The following CDH4 variants were observed in gnomAD, a reference collection of about 807,000 sequenced individuals.
The protein encoded by CDH4 is cadherin 4, also known as cadherin-4.
A neutral mutation model predicts 86.0 loss-of-function variants in CDH4; 33 were observed. That is an observed-to-expected ratio of 0.38 (90% CI 0.29 to 0.51). The LOEUF (loss-of-function observed/expected upper bound fraction) is 0.51, where lower values mean the gene tolerates loss of function less well. CDH4 is among the 20% of genes least tolerant of loss of function. The pLI, the probability that CDH4 is intolerant of heterozygous loss-of-function variation, is 0.86. For synonymous variants in CDH4, 555 were observed against 549.4 expected, an observed-to-expected ratio of 1.01 and a Z score of -0.14; for missense variants, 1,114 against 1,307.4, an observed-to-expected ratio of 0.85 and a Z score of 2.28.
Position 61,758,643 on chromosome 20 carries a change from A to G in CDH4, c.397-14360A>G, listed in dbSNP as rs1023240253. Among the ~76,000 whole-genome samples the G allele has an allele frequency of 2.6e-5, 4 of 152,178 alleles. No individual in the cohort carries two copies. In the South Asian group the frequency reaches 8.3e-4, roughly 31 times the overall value. ...CCTGAGGGCATGACCTCAGGACTGCACGTGGCACCGCGTCCCATGTACAGT... is the reference window on the plus strand; with the variant it reads ...CCTGAGGGCATGACCTCAGGACTGCGCGTGGCACCGCGTCCCATGTACAGT... On this transcript the variant is annotated intron_variant, in intron 3 of 15. Transcript: ENST00000614565.
chr20:61,836,610 A>G (rs12626030), intron 4 of CDH4, among the ~76,000 whole-genome samples: 62,919 of 152,202 alleles, frequency 0.41, 15,984 homozygotes, highest in Non-Finnish European at 0.58. Context: ...CGGAAAATGC[A>G]AGAAATACAA....
chr20:61,833,248 G>A (rs1312269489), intron 4 of CDH4, among the ~76,000 whole-genome samples: 1 of 152,108 alleles, frequency 6.6e-6, no homozygotes. Flanking sequence ...AGACCTAAAA[G>A]TGCCATCATG....
chr20:61,288,544 TC>T (rs2084305118), intron 2 of CDH4, among the ~76,000 whole-genome samples: 2 of 152,204 alleles, frequency 1.3e-5, no homozygotes, highest in Non-Finnish European at 2.9e-5. Context: ...TCTGAGCAGT[TC>T]CTGATGAATG....
intron 2 of CDH4, among the ~76,000 whole-genome samples, chr20:61,527,041 C>T (rs774421225): frequency 4.6e-5 from 7 of 152,208 alleles, no homozygotes; most frequent in Non-Finnish European, 7.4e-5. Flanking sequence ...CATTGGCCTC[C>T]GTGGTGTCTC....
chr20:61,391,235 G>A (rs1228286727), intron 2 of CDH4, among the ~76,000 whole-genome samples: 1 of 152,112 alleles, frequency 6.6e-6, no homozygotes, highest in African/African-American at 2.4e-5. Flanking sequence ...ATTTACTCAA[G>A]TGGACAGAAT....
intron 8 of CDH4, among the ~76,000 whole-genome samples, chr20:61,909,369 G>T (rs528103872): frequency 2.3e-4 from 35 of 152,360 alleles, no homozygotes; most frequent in African/African-American, 8.2e-4. Flanking sequence ...GTGCTGGAAG[G>T]TTCCGCCCAT....
intron 6 of CDH4, among the ~76,000 whole-genome samples, chr20:61,853,434 C>G (rs73915112): frequency 6.6e-6 from 1 of 152,158 alleles, no homozygotes; most frequent in African/African-American, 2.4e-5. Flanking sequence ...CCCACAGAGG[C>G]GATCCCATGT....
At chr20:61,914,364 T>A (rs1363632152) in intron 9 of CDH4, among the ~76,000 whole-genome samples, 1 of 152,172 alleles carries the variant, frequency 6.6e-6, no homozygotes, top group East Asian at 1.9e-4. Context: ...CGGCCCCCGC[T>A]TTTTTCTCCT....
chr20:61,422,948 A>AT (rs747959347), intron 2 of CDH4, among the ~76,000 whole-genome samples: 17 of 152,214 alleles, frequency 1.1e-4, no homozygotes, highest in African/African-American at 3.1e-4. Flanking sequence ...GCGATAAGGG[A>AT]TTTTTTATTG....
chr20:61,710,014 T>G (rs945834229), intron 2 of CDH4, among the ~76,000 whole-genome samples: 7 of 152,134 alleles, frequency 4.6e-5, no homozygotes, highest in African/African-American at 1.7e-4. Flanking sequence ...AAACAGTAAC[T>G]GAGTGGGATG....
chr20:61,873,488 G>A (rs1209895463), intron 6 of CDH4, among the ~76,000 whole-genome samples: 1 of 152,274 alleles, frequency 6.6e-6, no homozygotes, highest in Non-Finnish European at 1.5e-5. Flanking sequence ...AAAGGAAGAG[G>A]TCAGAGCAGA....
chr20:61,632,867 C>T (rs1283815813), intron 2 of CDH4, among the ~76,000 whole-genome samples: 1 of 141,724 alleles, frequency 7.1e-6, no homozygotes, highest in East Asian at 2.2e-4. Flanking sequence ...CACCCACTCA[C>T]TTCTCCATCC....
At chr20:61,718,586 C>T (rs1469821054) in intron 2 of CDH4, 2 of 348,252 alleles carry the variant, frequency 5.7e-6, no homozygotes, top group East Asian at 1.5e-4. Flanking sequence ...CACAGGCTCA[C>T]AGGGCAGAGC....
intron 2 of CDH4, among the ~76,000 whole-genome samples, chr20:61,590,843 G>C (rs189048160): frequency 6.3e-5 from 9 of 141,872 alleles, no homozygotes; most frequent in Non-Finnish European, 1.5e-5. Flanking sequence ...CCTACAGTGA[G>C]TGCCTGCCAA....
At chr20:61,450,431 G>A (rs1198152231) in intron 2 of CDH4, among the ~76,000 whole-genome samples, 1 of 152,142 alleles carries the variant, frequency 6.6e-6, no homozygotes, top group Non-Finnish European at 1.5e-5. Context: ...TCACAGCAGT[G>A]GGGGCTGAGA....
At chr20:61,696,938 G>A (rs1313403866) in intron 2 of CDH4, among the ~76,000 whole-genome samples, 1 of 152,186 alleles carries the variant, frequency 6.6e-6, no homozygotes, top group African/African-American at 2.4e-5. Flanking sequence ...AGAGAGTAAG[G>A]CCGCAAGAAG....
At chr20:61,840,671 C>A (rs77455970) in intron 4 of CDH4, among the ~76,000 whole-genome samples, 1 of 152,236 alleles carries the variant, frequency 6.6e-6, no homozygotes, top group Non-Finnish European at 1.5e-5. Flanking sequence ...TCCCTATTCA[C>A]GGCCCATCGT....
rs913944004 is a variant in CDH4, at chr20:61,709,129, C to T, written c.170-34434C>T. Among the ~76,000 whole-genome samples the T allele has an allele frequency of 3.9e-5, 6 of 152,126 alleles. No homozygotes were observed. The highest frequency in any genetic ancestry group is 7.2e-5 in the African/African-American group (3 of 41,436). ...CCTCGGGTCCCAGTGGCGTAGCGGC[C>T]GCCCAAATGATGAGCCCACAACGCA... On this transcript the variant is annotated intron_variant, in intron 2 of 15. Coordinates refer to ENST00000614565, the MANE Select transcript of CDH4 (RefSeq NM_001794.5). The surrounding 1 kb of genome is among the most constrained non-coding windows in gnomAD (Gnocchi z 4.8).
rs56688520 is a variant in CDH4, at chr20:61,337,300, G to A, written c.169+82363G>A. Among the ~76,000 whole-genome samples the A allele has an allele frequency of 5.6e-4, 29 of 51,590 alleles. 1 individual carries two copies. Among genetic ancestry groups the A allele is most frequent in the East Asian group, 1.5e-3 (2 of 1,312 alleles). 33.8% of individuals were successfully genotyped at this position (51,590 alleles called of 152,430 possible). ...ATATGATAATAACACTAATGGTGAT[G>A]ATAATGATGGTGATAATAATGATGG... On this transcript the variant is annotated intron_variant, in intron 2 of 15. Transcript: ENST00000614565.
Sources: allele counts gnomAD v4.1 joint callset (sites outside exome capture counted in the v4.1 genomes callset), GRCh38; gene constraint gnomAD v4.1.1; non-coding constraint Gnocchi (gnomAD v3.1); transcripts MANE v1.5; gene names NCBI Gene and HGNC (gene_info 2026-07-23, HGNC 2026-07-21).